OPCML: variants seen among roughly 807,000 people sequenced by gnomAD.
OPCML encodes opioid-binding protein/cell adhesion molecule.
A neutral mutation model predicts 37.8 loss-of-function variants in OPCML; 13 were observed. The ratio of observed to expected loss-of-function variants is 0.34; its 90% CI spans 0.22 to 0.55. The LOEUF is 0.55. Ranked by LOEUF, OPCML falls within the 20% of genes least tolerant of loss-of-function variation. The pLI, the probability that OPCML is intolerant of heterozygous loss-of-function variation, is 0.91. For missense variants in OPCML, 341 were observed against 435.6 expected, an observed-to-expected ratio of 0.78 and a Z score of 1.93; for synonymous variants, 176 against 168.8, an observed-to-expected ratio of 1.04 and a Z score of -0.33.
intron 3 of OPCML, among the ~76,000 whole-genome samples, chr11:132,531,763 T>TG (rs2096325875): frequency 6.6e-6 from 1 of 151,792 alleles, no homozygotes; most frequent in Non-Finnish European, 1.5e-5. Flanking sequence ...CCCGTTTTTT[T>TG]TTTTTCCTAT....
chr11:132,538,811 T>C (rs1380341284), intron 3 of OPCML, among the ~76,000 whole-genome samples: 3 of 152,200 alleles, frequency 2.0e-5, no homozygotes, highest in Admixed American at 6.5e-5. Flanking sequence ...ATCAGCCCAT[T>C]TGGCAATGTT....
chr11:133,192,662 C>T (rs2136304322), intron 1 of OPCML, among the ~76,000 whole-genome samples: 1 of 152,284 alleles, frequency 6.6e-6, no homozygotes, highest in Admixed American at 6.5e-5. Flanking sequence ...ACTTAGCCTC[C>T]TTGAGTCTGT....
intron 2 of OPCML, among the ~76,000 whole-genome samples, chr11:132,724,139 A>G (rs1944783396): frequency 6.6e-6 from 1 of 152,152 alleles, no homozygotes; most frequent in Non-Finnish European, 1.5e-5. Context: ...ACTCCAGGTC[A>G]GAGCATGTCC....
At position 133,472,838 on chromosome 11, in the gene OPCML, T is replaced by A. The variant is rs142307879; in HGVS notation, c.61+59426A>T. Among the ~76,000 whole-genome samples the A allele has an allele frequency of 1.5e-3, 222 of 152,130 alleles. 1 individual carries two copies. Among genetic ancestry groups the A allele is most frequent in the Middle Eastern group, 6.8e-3 (2 of 294 alleles). On this transcript the variant is annotated intron_variant, in intron 1 of 7. Transcript: ENST00000524381. Reference sequence around the variant, plus strand: ...AATTGGCAATCTCGTCCCTGGGGTATGGAGATACTAACAGGATCCTAATAA... The same window carrying A: ...AATTGGCAATCTCGTCCCTGGGGTAAGGAGATACTAACAGGATCCTAATAA...
At chr11:132,683,148 C>T (rs888134429) in intron 2 of OPCML, among the ~76,000 whole-genome samples, 2 of 152,132 alleles carry the variant, frequency 1.3e-5, no homozygotes, top group African/African-American at 2.4e-5. Context: ...AGTGTGGTGG[C>T]TCACACCCGT....
intron 1 of OPCML, among the ~76,000 whole-genome samples, chr11:133,109,323 A>G (rs1949214914): frequency 2.0e-5 from 3 of 152,174 alleles, no homozygotes; most frequent in Admixed American, 2.0e-4. Flanking sequence ...ACAGCATGGA[A>G]GAGGACTGAG....
intron 1 of OPCML, among the ~76,000 whole-genome samples, chr11:133,484,346 G>C (rs1020965355): frequency 1.3e-4 from 20 of 152,224 alleles, no homozygotes; most frequent in African/African-American, 4.3e-4. Flanking sequence ...TCCCATGAAT[G>C]AGATATTCAA....
intron 2 of OPCML, among the ~76,000 whole-genome samples, chr11:132,761,635 G>A (rs188386898): frequency 8.6e-5 from 13 of 152,034 alleles, no homozygotes; most frequent in Non-Finnish European, 1.5e-4. Context: ...CGAAGTTCTC[G>A]TACTGTGTTT....
intron 7 of OPCML, among the ~76,000 whole-genome samples, chr11:132,420,686 C>A (rs961627472): frequency 6.6e-6 from 1 of 152,054 alleles, no homozygotes; most frequent in Non-Finnish European, 1.5e-5. Context: ...GGGCACAAGG[C>A]CAGAGAGGCA....
At chr11:132,521,635 A>G (rs2096294054) in intron 4 of OPCML, among the ~76,000 whole-genome samples, 1 of 152,128 alleles carries the variant, frequency 6.6e-6, no homozygotes, top group Non-Finnish European at 1.5e-5. Flanking sequence ...GAGCGTGAGC[A>G]TTAAGACAAA....
At chr11:132,767,710 T>C (rs958271555) in intron 2 of OPCML, among the ~76,000 whole-genome samples, 4 of 152,128 alleles carry the variant, frequency 2.6e-5, no homozygotes, top group Admixed American at 2.0e-4. Flanking sequence ...ATAATTTACC[T>C]AAAACCCTCA....
At chr11:132,537,086 G>A (rs545587357) in intron 3 of OPCML, among the ~76,000 whole-genome samples, 1 of 152,262 alleles carries the variant, frequency 6.6e-6, no homozygotes, top group South Asian at 2.1e-4. Flanking sequence ...CTCCTCCTGG[G>A]AACAGAGTAA....
intron 1 of OPCML, among the ~76,000 whole-genome samples, chr11:133,140,186 C>CGATAATAAT (rs375572737): frequency 1.1e-4 from 14 of 124,802 alleles, no homozygotes; most frequent in Admixed American, 1.1e-3. Flanking sequence ...GACTCCGTCT[C>CGATAATAAT]AATAATAATA....
At chr11:132,918,027 C>T (rs1464996346) in intron 2 of OPCML, among the ~76,000 whole-genome samples, 1 of 152,048 alleles carries the variant, frequency 6.6e-6, no homozygotes, top group Non-Finnish European at 1.5e-5. Context: ...AATATGTTTT[C>T]CTATTTTATG....
chr11:132,999,567 G>A (rs1946954569), intron 1 of OPCML, among the ~76,000 whole-genome samples: 1 of 146,890 alleles, frequency 6.8e-6, no homozygotes, highest in Non-Finnish European at 1.5e-5. Flanking sequence ...GACAAATGGG[G>A]TCGGGGGGGG....
chr11:132,496,707 G>T (rs908736205), intron 4 of OPCML, among the ~76,000 whole-genome samples: 5 of 152,196 alleles, frequency 3.3e-5, no homozygotes, highest in Admixed American at 1.3e-4. Flanking sequence ...CTTGCATATA[G>T]AACAAAGTAG....
chr11:132,557,818 GA>G (rs11323367), intron 3 of OPCML, among the ~76,000 whole-genome samples: 96,157 of 151,948 alleles, frequency 0.63, 30,841 homozygotes, highest in African/African-American at 0.72. Flanking sequence ...AGCAGGGGTG[GA>G]TGGGCACCAG....
At chr11:133,198,085 A>T (rs536764178) in intron 1 of OPCML, among the ~76,000 whole-genome samples, 1 of 152,228 alleles carries the variant, frequency 6.6e-6, no homozygotes, top group African/African-American at 2.4e-5. Flanking sequence ...ATATTTTTCA[A>T]CCTTCCTAGA....
intron 1 of OPCML, among the ~76,000 whole-genome samples, chr11:133,213,244 C>G (rs1293600429): frequency 1.2e-4 from 12 of 102,510 alleles, no homozygotes; most frequent in African/African-American, 4.7e-4. Context: ...TTTTTTTTTG[C>G]CAAATGTTGC....
Sources: allele counts gnomAD v4.1 joint callset (sites outside exome capture counted in the v4.1 genomes callset), GRCh38; gene constraint gnomAD v4.1.1; transcripts MANE v1.5; gene names NCBI Gene and HGNC (gene_info 2026-07-23, HGNC 2026-07-21).